The following CELF2 variants were observed in gnomAD, a reference collection of about 807,000 sequenced individuals.
The protein encoded by CELF2 is CUG triplet repeat RNA-binding protein 2.
In CELF2, 8 loss-of-function variants were observed where a neutral mutation model predicts 62.6. That is an observed-to-expected ratio of 0.13 (90% confidence interval 0.07 to 0.23). The LOEUF is 0.23. Ranked by LOEUF, CELF2 falls within the 10% of genes least tolerant of loss-of-function variation. The pLI is 1.00. For missense variants in CELF2, 333 were observed against 671.0 expected (o/e 0.50, Z 5.56); for synonymous variants, 258 against 250.0 (o/e 1.03, Z -0.30).
the CELF2 span, among the ~76,000 whole-genome samples, chr10:10,703,597 G>A: frequency 5.3e-5 from 8 of 152,310 alleles, no homozygotes; most frequent in South Asian, 2.1e-4. Context: ...CTAGAGATGC[G>A]GAATGATGTT....
chr10:10,543,758 T>TCAACAACAACAACAA, the CELF2 span, among the ~76,000 whole-genome samples: 20 of 151,102 alleles, frequency 1.3e-4, no homozygotes, highest in South Asian at 6.3e-4. Context: ...AAACTCCATT[T>TCAACAACAACAACAA]CAACAACAAC....
chr10:11,193,267 C>T (rs2134618141), intron 2 of CELF2, among the ~76,000 whole-genome samples: 1 of 152,234 alleles, frequency 6.6e-6, no homozygotes. Flanking sequence ...TTGGAAAACC[C>T]CTAGGTGCCA....
At chr10:11,097,091 C>T (rs1038625359) in intron 1 of CELF2, among the ~76,000 whole-genome samples, 1 of 152,166 alleles carries the variant, frequency 6.6e-6, no homozygotes, top group South Asian at 2.1e-4. Context: ...CAAAATTCTC[C>T]TGATCATGTT....
chr10:11,183,395 G>T (rs2074014534), intron 2 of CELF2, among the ~76,000 whole-genome samples: 1 of 152,182 alleles, frequency 6.6e-6, no homozygotes, highest in African/African-American at 2.4e-5. Flanking sequence ...TAAACAAAAA[G>T]CTGCTGGGAA....
intron 1 of CELF2, among the ~76,000 whole-genome samples, chr10:11,054,344 G>A (rs952723451): frequency 1.8e-4 from 27 of 152,080 alleles, no homozygotes; most frequent in South Asian, 6.2e-4. Flanking sequence ...AGGAAGAGGC[G>A]GTTGATATTT....
At chr10:11,204,757 T>G (rs1049542280) in intron 2 of CELF2, among the ~76,000 whole-genome samples, 14 of 152,252 alleles carry the variant, frequency 9.2e-5, no homozygotes, top group African/African-American at 3.4e-4. Flanking sequence ...TGGTGGTCTG[T>G]GCCCCAGGCT....
At chr10:10,674,017 T>G in the CELF2 span, among the ~76,000 whole-genome samples, 2 of 152,218 alleles carry the variant, frequency 1.3e-5, no homozygotes, top group Non-Finnish European at 1.5e-5. Flanking sequence ...GATCAAGTAA[T>G]TTATAGATGT....
chr10:10,980,528 T>A (rs2051959886), intron 2 of CELF2, among the ~76,000 whole-genome samples: 1 of 152,230 alleles, frequency 6.6e-6, no homozygotes, highest in Non-Finnish European at 1.5e-5. Flanking sequence ...CTTCTTGCTA[T>A]TTCTTAAAAA....
At chr10:10,911,759 C>T (rs374766170) in intron 1 of CELF2, among the ~76,000 whole-genome samples, 11 of 152,198 alleles carry the variant, frequency 7.2e-5, no homozygotes, top group Non-Finnish European at 1.6e-4. Context: ...GAGAAAGTTT[C>T]GTTCCTATGA....
the CELF2 span, among the ~76,000 whole-genome samples, chr10:10,486,705 G>A: frequency 2.0e-5 from 3 of 152,142 alleles, no homozygotes; most frequent in Non-Finnish European, 4.4e-5. Context: ...GAACTGTGGA[G>A]CATTTTGGAT....
chr10:11,067,389 A>G (rs955026289), intron 1 of CELF2, among the ~76,000 whole-genome samples: 2 of 152,226 alleles, frequency 1.3e-5, no homozygotes, highest in African/African-American at 2.4e-5. Flanking sequence ...GAATTTGCTA[A>G]GTAAAACTTG....
chr10:11,264,292 C>G (rs1180894675), intron 5 of CELF2, among the ~76,000 whole-genome samples: 2 of 152,174 alleles, frequency 1.3e-5, no homozygotes, highest in Non-Finnish European at 2.9e-5. Context: ...TTAAAAAGTT[C>G]TGCATATATG....
At position 10,835,383 on chromosome 10, in the gene CELF2, ATT is replaced by A. The variant is rs60700697; in HGVS notation, c.53+36580_53+36581del. Among the ~76,000 whole-genome samples the A allele has an allele frequency of 2.5e-3, 354 of 142,998 alleles. 1 individual carries two copies. The highest frequency in any genetic ancestry group is 0.015 in the Middle Eastern group (4 of 270). The allele number at this position is 142,998 out of a possible 152,430, so 93.8% of individuals were successfully genotyped here. ...TGGGATTACAGGCTCCAGCAGATTG[ATT>A]TTTTTTTTTTTTTCTGATATGAAGT... On this transcript the variant is annotated intron_variant, in intron 1 of 13. Coordinates refer to the CELF2 transcript ENST00000636488.
intron 2 of CELF2, among the ~76,000 whole-genome samples, chr10:11,204,573 G>A (rs1007726586): frequency 2.0e-5 from 3 of 152,220 alleles, no homozygotes; most frequent in African/African-American, 4.8e-5. Flanking sequence ...CCCAGGAAGC[G>A]TAAGAGGTAG....
chr10:11,226,180 A>C (rs1235943490), intron 3 of CELF2, among the ~76,000 whole-genome samples: 4 of 152,186 alleles, frequency 2.6e-5, no homozygotes, highest in African/African-American at 9.7e-5. Context: ...GCTGTAGTTT[A>C]ATTTTCACAA....
chr10:10,572,034 G>T, the CELF2 span, among the ~76,000 whole-genome samples: 2 of 152,134 alleles, frequency 1.3e-5, no homozygotes, highest in South Asian at 2.1e-4. Context: ...GAATGTGGCC[G>T]TGGCCATGGA....
the CELF2 span, among the ~76,000 whole-genome samples, chr10:10,669,169 G>A: frequency 1.9e-4 from 29 of 152,326 alleles, no homozygotes; most frequent in African/African-American, 6.7e-4. Context: ...GTTGAAAGCA[G>A]TGTGACCCTA....
chr10:11,002,694 A>G (rs2054640168), upstream of CELF2, among the ~76,000 whole-genome samples: 1 of 152,220 alleles, frequency 6.6e-6, no homozygotes, highest in African/African-American at 2.4e-5. This position sits in a 1 kb window ranked among gnomAD's most constrained non-coding sequence, Gnocchi z 4.4. Flanking sequence ...GGATTAAATC[A>G]ATTGCTAAAT....
At chr10:10,651,107 G>A in the CELF2 span, among the ~76,000 whole-genome samples, 1 of 148,004 alleles carries the variant, frequency 6.8e-6, no homozygotes, top group Non-Finnish European at 1.5e-5. Flanking sequence ...AGAAAGGGGT[G>A]ACGGATGCAC....
Sources: allele counts gnomAD v4.1 joint callset (sites outside exome capture counted in the v4.1 genomes callset), GRCh38; gene constraint gnomAD v4.1.1; non-coding constraint Gnocchi (gnomAD v3.1); transcripts MANE v1.5; gene names NCBI Gene and HGNC (gene_info 2026-07-23, HGNC 2026-07-21).